The following MLLT3 variants were observed in gnomAD, a reference collection of about 807,000 sequenced individuals.
MLLT3 encodes the protein protein AF-9.
Under a neutral mutation model 53.2 loss-of-function variants are expected in MLLT3, and 4 were observed. The ratio of observed to expected loss-of-function variants is 0.08; its 90% CI spans 0.04 to 0.17. The LOEUF is 0.17. MLLT3 is among the 10% of genes least tolerant of loss of function. The pLI, the probability that MLLT3 is intolerant of heterozygous loss-of-function variation, is 1.00. For missense variants in MLLT3, 569 were observed against 684.0 expected (o/e 0.83, Z 1.87); for synonymous variants, 283 against 230.6 (o/e 1.23, Z -2.06).
intron 5 of MLLT3, among the ~76,000 whole-genome samples, chr9:20,393,816 G>C (rs182189264): frequency 6.6e-6 from 1 of 152,228 alleles, no homozygotes; most frequent in Non-Finnish European, 1.5e-5. Context: ...TAAGAGCATA[G>C]AAAACTAAGA....
chr9:20,402,284 C>A (rs1248643874), intron 5 of MLLT3, among the ~76,000 whole-genome samples: 1 of 152,134 alleles, frequency 6.6e-6, no homozygotes, highest in Non-Finnish European at 1.5e-5. Context: ...AAAAGCCAGA[C>A]CACAATGGGT....
intron 2 of MLLT3, among the ~76,000 whole-genome samples, chr9:20,592,486 T>C (rs765055296): frequency 6.6e-6 from 1 of 152,138 alleles, no homozygotes; most frequent in Non-Finnish European, 1.5e-5. Flanking sequence ...GTCCTAATCT[T>C]CTCTTCTTAT....
intron 2 of MLLT3, among the ~76,000 whole-genome samples, chr9:20,539,791 C>G (rs1435792027): frequency 6.6e-6 from 1 of 152,148 alleles, no homozygotes; most frequent in African/African-American, 2.4e-5. Flanking sequence ...TCATGACAGT[C>G]CCCGAAGTCT....
At chr9:20,366,151 C>G (rs1393383677) in intron 5 of MLLT3, among the ~76,000 whole-genome samples, 1 of 152,104 alleles carries the variant, frequency 6.6e-6, no homozygotes, top group African/African-American at 2.4e-5. Flanking sequence ...CTGCACCCAT[C>G]AACCCATCAT....
Position 20,484,352 on chromosome 9 carries a change from C to T in MLLT3, c.194-27566G>A, listed in dbSNP as rs542450148. Reference sequence around the variant, plus strand: ...TCTCCAGCTTATTCTTTTAACTTTGCCCTACCTCTGACAGAACAATTGTTC... The same window carrying T: ...TCTCCAGCTTATTCTTTTAACTTTGTCCTACCTCTGACAGAACAATTGTTC... On this transcript the variant is annotated intron_variant, in intron 2 of 10. Coordinates refer to ENST00000380338, the MANE Select transcript of MLLT3 (RefSeq NM_004529.4). Among the ~76,000 whole-genome samples the T allele has an allele frequency of 1.5e-4, 23 of 152,246 alleles. 1 individual carries two copies. In the East Asian group the frequency reaches 4.1e-3, roughly 27 times the overall value.
chr9:20,360,747 T>G lies in MLLT3; in HGVS notation c.1426A>C (p.Asn476His), dbSNP rs1280714656. 9.3e-6 allele frequency: 15 copies of G among 1,613,350 alleles called. No homozygotes were observed. The highest frequency in any genetic ancestry group is 2.7e-5 in the African/African-American group (2 of 74,918). ...PPPPLLKTNN[N>H]QILEVKSPIK... ...GTGCAAACCCCACAATTTACCTGGT[T>G]GTTGTTGGTTTTTAGTAAGGGTGGT... The change falls in exon 8 of 11, where the codon AAC becomes CAC. Residue 476 changes from asparagine to histidine, a missense_variant. Around this residue, in one of 5 missense-constraint regions of MLLT3, gnomAD observed 437 missense variants for 376.5 expected, o/e 1.16. Coordinates refer to ENST00000380338, the MANE Select transcript of MLLT3 (RefSeq NM_004529.4).
At chr9:20,484,088 T>C (rs78365520) in intron 2 of MLLT3, among the ~76,000 whole-genome samples, 9,005 of 151,966 alleles carry the variant, frequency 0.059, 394 homozygotes, top group African/African-American at 0.12. Flanking sequence ...TCTTAAAATA[T>C]ATAAAATACA....
intron 2 of MLLT3, among the ~76,000 whole-genome samples, chr9:20,586,842 A>G (rs537768811): frequency 3.3e-5 from 5 of 152,320 alleles, no homozygotes; most frequent in African/African-American, 7.2e-5. Context: ...AAGAGCAAAA[A>G]TAAGAGTAAG....
intron 2 of MLLT3, among the ~76,000 whole-genome samples, chr9:20,523,834 T>C (rs977955288): frequency 2.0e-5 from 3 of 151,888 alleles, no homozygotes; most frequent in African/African-American, 7.2e-5. Flanking sequence ...TGCCAGGCAT[T>C]GTGGAGTGTG....
At chr9:20,510,332 G>A (rs753381339) in intron 2 of MLLT3, among the ~76,000 whole-genome samples, 7 of 152,150 alleles carry the variant, frequency 4.6e-5, no homozygotes, top group Admixed American at 2.6e-4. Flanking sequence ...CAATTTTGCC[G>A]CCAGGCGCGG....
chr9:20,604,349 C>G (rs1398426145), intron 2 of MLLT3, among the ~76,000 whole-genome samples: 1 of 151,970 alleles, frequency 6.6e-6, no homozygotes, highest in Non-Finnish European at 1.5e-5. Context: ...ATCCAATTAT[C>G]AAGGATTATA....
At chr9:20,498,227 CAAAAAAAAAAAAAAAAAA>C (rs529049653) in intron 2 of MLLT3, among the ~76,000 whole-genome samples, 3,080 of 32,472 alleles carry the variant, frequency 0.095, 94 homozygotes, top group Middle Eastern at 0.27. Flanking sequence ...GACGCTGTCT[CAAAAAAAAAAAAAAAAAA>C]AAAAAAAAAA....
At chr9:20,390,805 GA>G in intron 5 of MLLT3, among the ~76,000 whole-genome samples, 1 of 152,188 alleles carries the variant, frequency 6.6e-6, no homozygotes, top group East Asian at 1.9e-4. Context: ...AGACAAATCA[GA>G]TATCTTATAG....
At chr9:20,456,828 GA>G in intron 2 of MLLT3, 42 bp from the exon 3 acceptor site, 3 of 1,327,490 alleles carry the variant, frequency 2.3e-6, no homozygotes, top group African/African-American at 1.5e-5. Flanking sequence ...GAGAATAATA[GA>G]CAAAAAGACA....
chr9:20,478,324 A>C (rs1824576387), intron 2 of MLLT3, among the ~76,000 whole-genome samples: 1 of 152,184 alleles, frequency 6.6e-6, no homozygotes, highest in Admixed American at 6.5e-5. Flanking sequence ...TGAGGAGAAG[A>C]GATGTAAGTT....
intron 2 of MLLT3, among the ~76,000 whole-genome samples, chr9:20,486,825 A>C (rs1471676284): frequency 2.6e-5 from 4 of 152,166 alleles, no homozygotes; most frequent in Non-Finnish European, 5.9e-5. Context: ...CTAAGCCTCC[A>C]TCAGCTTGTT....
At chr9:20,471,911 T>C (rs1824403785) in intron 2 of MLLT3, among the ~76,000 whole-genome samples, 1 of 151,886 alleles carries the variant, frequency 6.6e-6, no homozygotes, top group Non-Finnish European at 1.5e-5. Context: ...AACACAGCTG[T>C]TTCTTAGCTA....
At position 20,341,913 on chromosome 9, in the gene MLLT3, T is replaced by A; in HGVS notation, c.*4530A>T. The A allele has an allele frequency of 4.9e-6, 1 of 203,216 alleles. No individual in the cohort carries two copies. Among genetic ancestry groups the A allele is most frequent in the Non-Finnish European group, 1.0e-5 (1 of 98,956 alleles). The allele number at this position is 203,216 out of a possible 1,614,324, so 12.6% of individuals were successfully genotyped here. A position where few individuals can be genotyped will look rare whatever the true frequency, so the allele number is the denominator to read the frequency against. On this transcript the variant is annotated 3_prime_UTR_variant, in exon 11 of 11. Transcript: ENST00000380338. Reference sequence around the variant, plus strand: ...TGTATCCCACCACTTCTTGTTCCAATCTTTGCAGAGTTTTAAAAATATTAT... The same window carrying A: ...TGTATCCCACCACTTCTTGTTCCAAACTTTGCAGAGTTTTAAAAATATTAT...
intron 2 of MLLT3, among the ~76,000 whole-genome samples, chr9:20,603,435 C>T (rs540187104): frequency 6.6e-6 from 1 of 151,872 alleles, no homozygotes; most frequent in Non-Finnish European, 1.5e-5. Context: ...ATGTTTTTTC[C>T]TCTGAATTTT....
Sources: allele counts gnomAD v4.1 joint callset (sites outside exome capture counted in the v4.1 genomes callset), GRCh38; gene constraint gnomAD v4.1.1; regional missense constraint gnomAD v4.1.1; transcripts MANE v1.5; gene names NCBI Gene and HGNC (gene_info 2026-07-23, HGNC 2026-07-21).